The following HSD17B12 variants were observed in gnomAD, a reference collection of about 807,000 sequenced individuals.
HSD17B12 encodes the protein hydroxysteroid 17-beta dehydrogenase 12.
Under a neutral mutation model 39.3 loss-of-function variants are expected in HSD17B12, and 32 were observed. The ratio of observed to expected loss-of-function variants is 0.81; its 90% CI spans 0.61 to 1.09. The LOEUF (loss-of-function observed/expected upper bound fraction) is 1.09. Among genes scored for constraint, HSD17B12 ranks in the 50% least tolerant of loss-of-function variants. The probability of loss-of-function intolerance (pLI) is 0.00; values close to 1 mark genes in which losing one functional copy is unlikely to be tolerated. For synonymous variants in HSD17B12, 150 were observed against 146.7 expected (o/e 1.02, Z -0.16); for missense variants, 342 against 382.9 (o/e 0.89, Z 0.89).
At chr11:43,701,636 T>C (rs990663862) in intron 1 of HSD17B12, among the ~76,000 whole-genome samples, 3 of 152,226 alleles carry the variant, frequency 2.0e-5, no homozygotes, top group Admixed American at 6.5e-5. Context: ...ATGAGTTCAC[T>C]GTAGGTGTGC....
intron 4 of HSD17B12, among the ~76,000 whole-genome samples, chr11:43,810,366 A>ATT (rs1276537551): frequency 3.8e-3 from 59 of 15,540 alleles, no homozygotes; most frequent in African/African-American, 0.01. Context: ...TAATTTAGAA[A>ATT]TTATATATAT....
intron 8 of HSD17B12, 147 bp downstream of exon 8, chr11:43,838,545 G>C (rs1951393448): frequency 1.6e-6 from 1 of 632,364 alleles, no homozygotes; most frequent in Admixed American, 2.7e-5. Flanking sequence ...CCCTACTTGA[G>C]TTTCAAAAGA....
intron 1 of HSD17B12, among the ~76,000 whole-genome samples, chr11:43,741,546 C>T (rs957933648): frequency 3.3e-5 from 5 of 151,866 alleles, no homozygotes; most frequent in African/African-American, 1.2e-4. Flanking sequence ...TTCCCTAATC[C>T]CCCAGAAGCA....
At chr11:43,654,302 G>A in the HSD17B12 span, among the ~76,000 whole-genome samples, 1 of 152,154 alleles carries the variant, frequency 6.6e-6, no homozygotes, top group African/African-American at 2.4e-5. Context: ...TTAGCCCTTT[G>A]TCAGATGAGT....
At chr11:43,664,382 C>A in the HSD17B12 span, among the ~76,000 whole-genome samples, 1 of 152,142 alleles carries the variant, frequency 6.6e-6, no homozygotes, top group Admixed American at 6.5e-5. Context: ...ATGGGCATGA[C>A]TTCCTCCAGG....
At chr11:43,587,983 T>G in the HSD17B12 span, among the ~76,000 whole-genome samples, 1 of 152,194 alleles carries the variant, frequency 6.6e-6, no homozygotes, top group Non-Finnish European at 1.5e-5. Context: ...GTAGTTCTGT[T>G]GAGATCTTTA....
the HSD17B12 span, among the ~76,000 whole-genome samples, chr11:43,662,481 A>G: frequency 0.89 from 128,436 of 144,808 alleles, 58,459 homozygotes; most frequent in Non-Finnish European, 0.98. Context: ...CTGACCTCAA[A>G]TGATCCACCC....
chr11:43,561,132 T>C, the HSD17B12 span, among the ~76,000 whole-genome samples: 1 of 152,174 alleles, frequency 6.6e-6, no homozygotes, highest in Non-Finnish European at 1.5e-5. Flanking sequence ...CCCACCACTT[T>C]CAAGCTTGGT....
At chr11:43,581,126 G>C in the HSD17B12 span, among the ~76,000 whole-genome samples, 1 of 152,164 alleles carries the variant, frequency 6.6e-6, no homozygotes, top group African/African-American at 2.4e-5. This position sits in a 1 kb window ranked among gnomAD's most constrained non-coding sequence, Gnocchi z 4.9. Context: ...CGACAGGAAA[G>C]GGGTGGAGGC....
At chr11:43,613,090 T>C in the HSD17B12 span, among the ~76,000 whole-genome samples, 1 of 152,080 alleles carries the variant, frequency 6.6e-6, no homozygotes, top group Non-Finnish European at 1.5e-5. Context: ...AGAAAGCCAT[T>C]GGAGGGTTTC....
chr11:43,754,739 A>G (rs17513317), intron 3 of HSD17B12: 1 of 532,646 alleles, frequency 1.9e-6, no homozygotes, highest in Non-Finnish European at 3.3e-6. Flanking sequence ...CTGTGACTTC[A>G]TTTCAGTATT....
the HSD17B12 span, among the ~76,000 whole-genome samples, chr11:43,602,479 CAAT>C: frequency 1.5e-4 from 23 of 151,872 alleles, no homozygotes; most frequent in Middle Eastern, 0.01. Flanking sequence ...TCTTGGGAGA[CAAT>C]AATTTGAGTA....
intron 6 of HSD17B12, among the ~76,000 whole-genome samples, chr11:43,827,501 T>G (rs987157636): frequency 1.3e-5 from 2 of 152,178 alleles, no homozygotes; most frequent in African/African-American, 4.8e-5. Context: ...CAGAAAAAGT[T>G]TTATTCATAT....
chr11:43,793,580 C>T (rs1950889058), intron 3 of HSD17B12, among the ~76,000 whole-genome samples: 1 of 152,028 alleles, frequency 6.6e-6, no homozygotes, highest in South Asian at 2.1e-4. Context: ...TGATGATGGC[C>T]AGAGCTGGAA....
chr11:43,768,763 C>T (rs778383534), intron 3 of HSD17B12, among the ~76,000 whole-genome samples: 4 of 152,156 alleles, frequency 2.6e-5, no homozygotes, highest in East Asian at 1.9e-4. Flanking sequence ...GAGACCAGAG[C>T]GGGTTGCCGT....
chr11:43,653,051 A>C, the HSD17B12 span, among the ~76,000 whole-genome samples: 1 of 151,966 alleles, frequency 6.6e-6, no homozygotes, highest in Non-Finnish European at 1.5e-5. Flanking sequence ...CAATCAGAAA[A>C]GTAGGGGGAG....
the HSD17B12 span, among the ~76,000 whole-genome samples, chr11:43,611,376 C>T: frequency 2.0e-5 from 3 of 152,268 alleles, no homozygotes; most frequent in Admixed American, 6.5e-5. Context: ...CTTCTAGGTC[C>T]GGTGCAAATG....
At chr11:43,754,013 C>T (rs758415635) in intron 2 of HSD17B12, 33 bp from the exon 3 acceptor site, 42 of 1,428,990 alleles carry the variant, frequency 2.9e-5, no homozygotes, top group Non-Finnish European at 3.9e-5. Flanking sequence ...GTGACATGCA[C>T]AGGTGTGATT....
the HSD17B12 span, among the ~76,000 whole-genome samples, chr11:43,629,281 C>T: frequency 1.3e-5 from 2 of 152,184 alleles, no homozygotes; most frequent in Non-Finnish European, 2.9e-5. Flanking sequence ...CTTAGACAGA[C>T]TTCTTGATAA....
Sources: gnomAD v4.1 joint callset for allele counts (sites outside exome capture counted in the v4.1 genomes callset) on GRCh38, gnomAD v4.1.1 for gene constraint, Gnocchi (gnomAD v3.1) non-coding constraint, MANE v1.5 for transcripts, NCBI Gene and HGNC (gene_info 2026-07-23, HGNC 2026-07-21) for gene names.